Variants in GRIA4 observed in about 807,000 individuals in gnomAD.
GRIA4 encodes glutamate ionotropic receptor AMPA type subunit 4.
GRIA4 carries 34 observed loss-of-function variants against 104.0 expected under a neutral mutation model. That is an observed-to-expected ratio of 0.33 (90% CI 0.25 to 0.44). The LOEUF is 0.44. Ranked by LOEUF, GRIA4 falls within the 20% of genes least tolerant of loss-of-function variation. GRIA4 has a pLI of 1.00. For missense variants in GRIA4, 750 were observed against 1,096.5 expected (o/e 0.68, Z 4.46); for synonymous variants, 386 against 381.9 (o/e 1.01, Z -0.13).
chr11:105,703,176 T>C (rs1158081659), intron 3 of GRIA4, among the ~76,000 whole-genome samples: 1 of 152,210 alleles, frequency 6.6e-6, no homozygotes, highest in Non-Finnish European at 1.5e-5. Context: ...ATTGTTGCTT[T>C]AGAGTACAGT....
In GRIA4 at chr11:105,847,722, T is replaced by C. The variant is rs1462361647; in HGVS notation, c.488-14302T>C. On this transcript the variant is annotated intron_variant, in intron 4 of 16. Transcript: ENST00000282499. ...CTAGAACTTCCCCAAAAAGCAACTT[T>C]GGATCTGTCAGGTAGAACATTTATA... Among the ~76,000 whole-genome samples the C allele has an allele frequency of 2.6e-5, 4 of 152,210 alleles. No homozygotes were observed. The South Asian group carries it at 8.3e-4, about 32-fold the overall frequency.
At chr11:105,633,284 TAGA>T (rs1262337372) in intron 3 of GRIA4, among the ~76,000 whole-genome samples, 1 of 152,232 alleles carries the variant, frequency 6.6e-6, no homozygotes, top group African/African-American at 2.4e-5. Context: ...TGGCATTTCT[TAGA>T]AGATTTATAC....
intron 11 of GRIA4, among the ~76,000 whole-genome samples, chr11:105,921,339 G>C (rs1365136244): frequency 6.6e-6 from 1 of 151,310 alleles, no homozygotes; most frequent in Admixed American, 6.6e-5. Context: ...GTGTGTGTGT[G>C]TGTGTGTGTG....
At chr11:105,910,678 T>C in intron 10 of GRIA4, 133 bp downstream of exon 10, 1 of 585,188 alleles carries the variant, frequency 1.7e-6, no homozygotes, top group South Asian at 2.2e-5. Flanking sequence ...CACAAAATCC[T>C]ATTGAGGCTT....
At chr11:105,752,638 A>G (rs897146684) in intron 3 of GRIA4, among the ~76,000 whole-genome samples, 1 of 152,146 alleles carries the variant, frequency 6.6e-6, no homozygotes, top group Non-Finnish European at 1.5e-5. Context: ...ATAATTTTGG[A>G]CTTGTCACAC....
intron 11 of GRIA4, among the ~76,000 whole-genome samples, chr11:105,922,318 A>G (rs1190963833): frequency 6.6e-6 from 1 of 152,176 alleles, no homozygotes; most frequent in Non-Finnish European, 1.5e-5. Context: ...TTAAAGCTGA[A>G]CATGCCTTTG....
chr11:105,792,051 TA>T (rs1942236185), intron 4 of GRIA4, among the ~76,000 whole-genome samples: 1 of 152,140 alleles, frequency 6.6e-6, no homozygotes. Flanking sequence ...ATATGTTTTA[TA>T]AATGCCACAT....
At chr11:105,811,072 T>G (rs1006856804) in intron 4 of GRIA4, among the ~76,000 whole-genome samples, 2 of 152,134 alleles carry the variant, frequency 1.3e-5, no homozygotes, top group Admixed American at 6.5e-5. Flanking sequence ...TTGGGAGCGA[T>G]GAGTTGCATT....
chr11:105,861,655 G>A (rs1003029696), intron 4 of GRIA4, among the ~76,000 whole-genome samples: 1 of 152,102 alleles, frequency 6.6e-6, no homozygotes, highest in Non-Finnish European at 1.5e-5. Context: ...TTCAAAATGA[G>A]TTCCATCTAG....
At chr11:105,891,218 T>A (rs1946443524) in intron 6 of GRIA4, among the ~76,000 whole-genome samples, 1 of 152,116 alleles carries the variant, frequency 6.6e-6, no homozygotes, top group Non-Finnish European at 1.5e-5. Flanking sequence ...AGGCTGCAAA[T>A]ACAGTAAAAG....
intron 4 of GRIA4, among the ~76,000 whole-genome samples, chr11:105,851,897 A>C (rs1453197556): frequency 6.6e-6 from 1 of 152,162 alleles, no homozygotes; most frequent in Non-Finnish European, 1.5e-5. Context: ...TGCCTCAGCC[A>C]CTGGAATGTA....
chr11:105,855,945 A>G (rs934700630), intron 4 of GRIA4, among the ~76,000 whole-genome samples: 3 of 152,148 alleles, frequency 2.0e-5, no homozygotes, highest in African/African-American at 7.2e-5. Flanking sequence ...TGTGCTTCTG[A>G]AGGTCAAAAA....
chr11:105,810,272 G>A (rs1038440799), intron 4 of GRIA4, among the ~76,000 whole-genome samples: 1 of 152,202 alleles, frequency 6.6e-6, no homozygotes, highest in African/African-American at 2.4e-5. Flanking sequence ...GTGGGTGACA[G>A]TTGCAATCAC....
intron 3 of GRIA4, among the ~76,000 whole-genome samples, chr11:105,645,863 G>A (rs1951512292): frequency 6.6e-6 from 1 of 152,092 alleles, no homozygotes; most frequent in South Asian, 2.1e-4. Flanking sequence ...ATGAGTACAA[G>A]AAAGCTTATC....
intron 3 of GRIA4, among the ~76,000 whole-genome samples, chr11:105,687,800 G>C (rs1386162964): frequency 6.6e-6 from 1 of 152,158 alleles, no homozygotes. Context: ...CTCAATCACA[G>C]ATGCTCAGTG....
chr11:105,651,942 C>G (rs1403547050), intron 3 of GRIA4, among the ~76,000 whole-genome samples: 1 of 151,968 alleles, frequency 6.6e-6, no homozygotes, highest in South Asian at 2.1e-4. Context: ...ATTTTAAACA[C>G]CTTTAACTTA....
rs1953190417 is a variant in GRIA4, at chr11:105,694,213, A to C, written c.248-58768A>C. 3.3e-5 allele frequency among the ~76,000 whole-genome samples: 5 copies of C among 151,044 alleles called. No homozygotes were observed. In the South Asian group the frequency reaches 1.0e-3, roughly 32 times the overall value. On this transcript the variant is annotated intron_variant, in intron 3 of 16. Transcript: ENST00000282499. ...CATTCAGGCTGGAGTGCAGTGGTGCATTCTCGGCTCACTGCAACCTCTGCC... is the reference window on the plus strand; with the variant it reads ...CATTCAGGCTGGAGTGCAGTGGTGCCTTCTCGGCTCACTGCAACCTCTGCC...
chr11:105,916,409 A>T (rs1947405225), intron 10 of GRIA4, among the ~76,000 whole-genome samples: 1 of 152,168 alleles, frequency 6.6e-6, no homozygotes, highest in Admixed American at 6.5e-5. Context: ...CTAAATAAGT[A>T]AGAGCTACCA....
chr11:105,866,001 T>A (rs1945390789), intron 5 of GRIA4, among the ~76,000 whole-genome samples: 1 of 152,302 alleles, frequency 6.6e-6, no homozygotes, highest in East Asian at 1.9e-4. Context: ...ATTATCCCAA[T>A]GGGTAGTTGG....
Sources: allele counts gnomAD v4.1 joint callset (sites outside exome capture counted in the v4.1 genomes callset), GRCh38; gene constraint gnomAD v4.1.1; transcripts MANE v1.5; gene names NCBI Gene and HGNC (gene_info 2026-07-23, HGNC 2026-07-21).